The following RNF130 variants were observed in gnomAD, a reference collection of about 807,000 sequenced individuals.
RNF130 encodes the protein E3 ubiquitin-protein ligase RNF130.
A neutral mutation model predicts 44.6 loss-of-function variants in RNF130; 21 were observed. The observed-to-expected ratio is 0.47, with a 90% confidence interval of 0.33 to 0.68. The LOEUF is 0.68. Among genes scored for constraint, RNF130 ranks in the 30% least tolerant of loss-of-function variants. The pLI, the probability that RNF130 is intolerant of heterozygous loss-of-function variation, is 0.02. For synonymous variants in RNF130, 214 were observed against 210.4 expected, an observed-to-expected ratio of 1.02 and a Z score of -0.15; for missense variants, 479 against 560.6, an observed-to-expected ratio of 0.85 and a Z score of 1.47.
exon 8 of RNF130, chr5:179,914,380 T>C (rs1257745445): frequency 6.6e-6 from 1 of 152,264 alleles, no homozygotes; most frequent in Non-Finnish European, 1.5e-5. Context: ...GAGAGCTAGT[T>C]GGACAGCCTT....
intron 3 of RNF130, among the ~76,000 whole-genome samples, chr5:179,985,831 T>C (rs574181205): frequency 1.3e-4 from 20 of 152,314 alleles, no homozygotes; most frequent in African/African-American, 3.8e-4. Flanking sequence ...TTGTGGCACT[T>C]TCCCCCCAAA....
intron 7 of RNF130, among the ~76,000 whole-genome samples, chr5:179,937,646 G>C (rs978364863): frequency 1.3e-5 from 2 of 152,118 alleles, no homozygotes; most frequent in Non-Finnish European, 2.9e-5. Context: ...GAGTTTGGAG[G>C]CTCCTCAAAA....
intron 8 of RNF130, chr5:179,955,996 G>A (rs527619393): frequency 3.3e-5 from 8 of 238,964 alleles, no homozygotes; most frequent in South Asian, 1.7e-4. Context: ...TCTGAATGCT[G>A]AGGGTGCTGA....
intron 1 of RNF130, among the ~76,000 whole-genome samples, chr5:180,051,283 T>C (rs1408390639): frequency 1.4e-5 from 2 of 146,894 alleles, no homozygotes; most frequent in East Asian, 4.1e-4. Flanking sequence ...AGAGTCTCGA[T>C]CTGTCACCCA....
exon 8 of RNF130, chr5:179,912,274 A>C (rs1761477874): frequency 6.6e-6 from 1 of 152,264 alleles, no homozygotes; most frequent in South Asian, 2.1e-4. Context: ...TATGTGGCCT[A>C]GGGCTTGCAC....
chr5:179,945,779 C>A (rs1216251872), intron 7 of RNF130, among the ~76,000 whole-genome samples: 2 of 152,146 alleles, frequency 1.3e-5, no homozygotes, highest in Non-Finnish European at 2.9e-5. Flanking sequence ...TACTACGCGC[C>A]GCTGCAGGAA....
At chr5:180,036,042 CTT>C (rs1393152683) in intron 2 of RNF130, among the ~76,000 whole-genome samples, 2 of 152,128 alleles carry the variant, frequency 1.3e-5, no homozygotes, top group Non-Finnish European at 2.9e-5. Flanking sequence ...TTTCTATAGA[CTT>C]TTGTTTTCCT....
chr5:180,070,945 C>G (rs1765241820), intron 1 of RNF130, among the ~76,000 whole-genome samples: 1 of 151,518 alleles, frequency 6.6e-6, no homozygotes, highest in African/African-American at 2.4e-5. Context: ...GAACAAGAGC[C>G]AAAAGCAACA....
chr5:179,951,973 C>A (rs544758024), downstream of RNF130, among the ~76,000 whole-genome samples: 1 of 152,012 alleles, frequency 6.6e-6, no homozygotes, highest in Admixed American at 6.6e-5. Context: ...AAATCAATAA[C>A]CTCATCTTCC....
intron 1 of RNF130, among the ~76,000 whole-genome samples, chr5:180,057,408 G>A (rs1411077032): frequency 6.6e-6 from 1 of 152,168 alleles, no homozygotes; most frequent in Non-Finnish European, 1.5e-5. Context: ...AACTATCCGG[G>A]CATGGTGGTG....
intron 2 of RNF130, among the ~76,000 whole-genome samples, chr5:180,028,548 T>G (rs1310964520): frequency 2.1e-5 from 2 of 96,108 alleles, no homozygotes; most frequent in Non-Finnish European, 4.3e-5. Flanking sequence ...CATGAAGTCT[T>G]CCAGACCTGG....
chr5:180,040,558 A>G lies in RNF130; in HGVS notation c.337T>C (p.Cys113Arg). Residue 113 changes from cysteine to arginine, a missense_variant, in exon 2 of 9, where the codon TGC (cysteine) becomes CGC (arginine). By Grantham distance (180) the Cys-to-Arg change is radical. This residue lies in a region of RNF130 where 180 missense variants were observed against 275.1 expected (regional missense o/e 0.65). Transcript: ENST00000521389. ...CGTGATATTTTCTCTTTAAACGTGC[A>G]GTTTCCCCTCTGCAGCAAGGCAATC... ...QWIALLQRGN[C>R]TFKEKISRAA... is the part of the protein sequence containing the mutation. The G allele has an allele frequency of 2.5e-6, 4 of 1,614,262 alleles. No individual in the cohort carries two copies. Among genetic ancestry groups the G allele is most frequent in the Non-Finnish European group, 3.4e-6 (4 of 1,180,052 alleles).
intron 1 of RNF130, among the ~76,000 whole-genome samples, chr5:180,043,471 C>T (rs548774472): frequency 6.6e-6 from 1 of 152,074 alleles, no homozygotes; most frequent in East Asian, 1.9e-4. Context: ...TGAGCTACCC[C>T]ACGCTCAGCA....
At chr5:179,925,057 T>G (rs1436959928) in intron 7 of RNF130, among the ~76,000 whole-genome samples, 1 of 152,192 alleles carries the variant, frequency 6.6e-6, no homozygotes, top group Non-Finnish European at 1.5e-5. Context: ...GTATTTGGTT[T>G]TTATCCGGGC....
chr5:180,004,266 C>T (rs2113066027), intron 3 of RNF130, among the ~76,000 whole-genome samples: 1 of 152,314 alleles, frequency 6.6e-6, no homozygotes, highest in South Asian at 2.1e-4. Flanking sequence ...TAATACGCTA[C>T]CCACTCACTG....
chr5:179,951,240 T>A (rs938213222), downstream of RNF130, among the ~76,000 whole-genome samples: 1 of 152,086 alleles, frequency 6.6e-6, no homozygotes, highest in African/African-American at 2.4e-5. Context: ...AGAAACATAA[T>A]TCAACAATAC....
intron 3 of RNF130, among the ~76,000 whole-genome samples, chr5:179,991,142 G>A (rs1186554056): frequency 6.6e-6 from 1 of 152,148 alleles, no homozygotes; most frequent in Non-Finnish European, 1.5e-5. Context: ...CTTGTGTAGT[G>A]TATCTTTCCC....
In RNF130 at chr5:179,935,877, G is replaced by C. The variant is rs1175319380; in HGVS notation, c.1151-15451C>G. Among the ~76,000 whole-genome samples the C allele has an allele frequency of 2.0e-5, 3 of 152,028 alleles. No individual in the cohort carries two copies. In the East Asian group the frequency reaches 5.8e-4, roughly 29 times the overall value. On this transcript the variant is annotated intron_variant, in intron 7 of 7. Transcript: ENST00000522208. ...TTTGACTCCTTCCTGGACAATGCAAGCATGTTAGAGCAGTTTTACCTCACT... is the reference window on the plus strand; with the variant it reads ...TTTGACTCCTTCCTGGACAATGCAACCATGTTAGAGCAGTTTTACCTCACT...
At chr5:179,996,688 T>C (rs1347258970) in intron 3 of RNF130, among the ~76,000 whole-genome samples, 1 of 152,272 alleles carries the variant, frequency 6.6e-6, no homozygotes. Context: ...AATGCTCTTT[T>C]CAATGTGTTG....
Sources: allele counts gnomAD v4.1 joint callset (sites outside exome capture counted in the v4.1 genomes callset), GRCh38; gene constraint gnomAD v4.1.1; regional missense constraint gnomAD v4.1.1; transcripts MANE v1.5; gene names NCBI Gene and HGNC (gene_info 2026-07-23, HGNC 2026-07-21).